The following ENPP3 variants were observed in gnomAD, a reference collection of about 807,000 sequenced individuals.
ENPP3 encodes the protein ectonucleotide pyrophosphatase/phosphodiesterase family member 3.
Under a neutral mutation model 117.8 loss-of-function variants are expected in ENPP3, and 104 were observed. The ratio of observed to expected loss-of-function variants is 0.88; its 90% CI spans 0.75 to 1.04. ENPP3 has a LOEUF of 1.04. ENPP3 is among the 50% of genes least tolerant of loss of function. The pLI, the probability that ENPP3 is intolerant of heterozygous loss-of-function variation, is 0.00. For missense variants in ENPP3, 1,026 were observed against 1,051.9 expected, an observed-to-expected ratio of 0.98 and a Z score of 0.34; for synonymous variants, 380 against 349.9, an observed-to-expected ratio of 1.09 and a Z score of -0.96.
chr6:131,685,076 G>A (rs1321107571), intron 12 of ENPP3, among the ~76,000 whole-genome samples: 3 of 152,140 alleles, frequency 2.0e-5, no homozygotes, highest in Admixed American at 1.3e-4. Flanking sequence ...GAGCCACGGA[G>A]CACAGCCGAA....
chr6:131,722,718 C>A (rs1055508855), intron 18 of ENPP3, among the ~76,000 whole-genome samples: 21 of 152,126 alleles, frequency 1.4e-4, no homozygotes, highest in African/African-American at 4.8e-4. Flanking sequence ...CCTTATAAAC[C>A]ATTCTTCCTG....
intron 3 of ENPP3, among the ~76,000 whole-genome samples, chr6:131,651,156 G>A (rs74737010): frequency 0.033 from 5,045 of 152,158 alleles, 283 homozygotes; most frequent in African/African-American, 0.11. Flanking sequence ...CTGGCCTCAA[G>A]TGATCCCACT....
rs1203560193 is a variant in ENPP3, at chr6:131,644,530, GAC to G, written c.154+3001_154+3002del. ...AGAGTAAGAAAGAGGAGTCAAGAAT[GAC>G]CCCAGAATTTTTGTATGAACATCTG... On this transcript the variant is annotated intron_variant, in intron 2 of 24. Coordinates refer to ENST00000357639, the MANE Select transcript of ENPP3 (RefSeq NM_005021.5). Among the ~76,000 whole-genome samples the G allele has an allele frequency of 3.9e-5, 6 of 152,252 alleles. No individual in the cohort carries two copies. The East Asian group carries it at 9.7e-4, about 24-fold the overall frequency.
intron 23 of ENPP3, among the ~76,000 whole-genome samples, 164 bp from the exon 24 acceptor site, chr6:131,740,059 TA>T (rs71545013): frequency 0.03 from 4,528 of 152,238 alleles, 75 homozygotes; most frequent in Middle Eastern, 0.11. Flanking sequence ...ACTTTGTATG[TA>T]AGTTATTTAA....
chr6:131,724,124 T>C (rs1407758935), intron 19 of ENPP3, 33 bp downstream of exon 19: 3 of 1,462,708 alleles, frequency 2.1e-6, no homozygotes, highest in African/African-American at 2.8e-5. Flanking sequence ...AAGTCTTTGA[T>C]ATTTAGACCT....
chr6:131,648,396 T>A (rs182041799), intron 2 of ENPP3, among the ~76,000 whole-genome samples: 2 of 152,080 alleles, frequency 1.3e-5, no homozygotes, highest in East Asian at 3.9e-4. Context: ...TTTTTGTATA[T>A]GTTGTGAGGC....
chr6:131,672,241 T>C (rs921667714), intron 7 of ENPP3, among the ~76,000 whole-genome samples: 1 of 152,218 alleles, frequency 6.6e-6, no homozygotes, highest in African/African-American at 2.4e-5. Flanking sequence ...GCTGTCATAC[T>C]ATAAACAAGT....
chr6:131,744,184 CT>C (rs879746339), intron 24 of ENPP3, among the ~76,000 whole-genome samples: 15 of 152,280 alleles, frequency 9.9e-5, no homozygotes, highest in African/African-American at 3.6e-4. Context: ...ATCATATTTC[CT>C]TATTTATTTT....
chr6:131,640,600 T>C (rs940913723), intron 1 of ENPP3, among the ~76,000 whole-genome samples: 4 of 152,240 alleles, frequency 2.6e-5, no homozygotes, highest in African/African-American at 9.6e-5. Flanking sequence ...CTGATGTTTT[T>C]TTCTTTTGTG....
chr6:131,700,649 A>C, intron 15 of ENPP3: 1 of 1,558,196 alleles, frequency 6.4e-7, no homozygotes, highest in South Asian at 1.2e-5. Context: ...TGGCTGTGCC[A>C]TAAACGAGTC....
At position 131,747,388 on chromosome 6, in the gene ENPP3, C is replaced by T. The variant is rs1780658782; in HGVS notation, c.*432C>T. On this transcript the variant is annotated 3_prime_UTR_variant, in exon 25 of 25. Coordinates refer to ENST00000357639, the MANE Select transcript of ENPP3 (RefSeq NM_005021.5). The stretch of plus-strand genomic sequence containing the variant: ...AACTTTTTGTATTTGACTGGCAATG[C>T]TGATTAAAATTAAAAATGCACAGAA... 1 of 152,336 alleles carries T rather than the reference C, an allele frequency of 6.6e-6. No homozygotes were observed. The highest frequency in any genetic ancestry group is 2.4e-5 in the African/African-American group (1 of 41,446). 9.4% of individuals were successfully genotyped at this position (152,336 alleles called of 1,614,324 possible).
chr6:131,676,750 AAG>A lies in ENPP3; in HGVS notation c.892_893del (p.Arg298AspfsTer14). On this transcript the variant is annotated frameshift_variant, in exon 10 of 25. Transcript: ENST00000357639. LOFTEE classifies it high-confidence loss of function. ...TATTTTTTCAGAAGTGTCCCATTTG[AAG>A]AGAGGATTTCTACACTGTTAAAATG... is the stretch of plus-strand genomic sequence containing the variant. 6.2e-7 allele frequency: 1 copy of A among 1,607,776 alleles called. No individual in the cohort carries two copies. The highest frequency in any genetic ancestry group is 1.1e-5 in the South Asian group (1 of 90,924).
chr6:131,679,386 C>A (rs1207408768), intron 11 of ENPP3, among the ~76,000 whole-genome samples: 4 of 152,022 alleles, frequency 2.6e-5, no homozygotes, highest in African/African-American at 9.7e-5. Context: ...TGAACCACTG[C>A]ACCCAGCCAT....
At chr6:131,676,885 A>T in intron 10 of ENPP3, 84 bp downstream of exon 10, 1 of 897,542 alleles carries the variant, frequency 1.1e-6, no homozygotes, top group Non-Finnish European at 1.8e-6. Flanking sequence ...ACTTTAAATT[A>T]CAATTTTTGG....
chr6:131,686,892 A>G (rs1779164960), intron 14 of ENPP3, among the ~76,000 whole-genome samples: 1 of 152,156 alleles, frequency 6.6e-6, no homozygotes, highest in African/African-American at 2.4e-5. Flanking sequence ...TATGTACCAC[A>G]TTTTCTTTAT....
At chr6:131,723,620 G>C (rs2114534876) in intron 18 of ENPP3, among the ~76,000 whole-genome samples, 1 of 152,212 alleles carries the variant, frequency 6.6e-6, no homozygotes, top group African/African-American at 2.4e-5. Context: ...ATTGGTTAGA[G>C]ATGCAGAATC....
intron 23 of ENPP3, 135 bp downstream of exon 23, chr6:131,738,298 A>G: frequency 2.8e-6 from 2 of 709,906 alleles, no homozygotes; most frequent in Non-Finnish European, 4.5e-6. Flanking sequence ...TTTTCAATCT[A>G]GTCTATCTAA....
chr6:131,679,625 T>C (rs1021917785), intron 11 of ENPP3, among the ~76,000 whole-genome samples: 4 of 151,706 alleles, frequency 2.6e-5, no homozygotes, highest in African/African-American at 9.7e-5. Context: ...GAGATCTATC[T>C]AGGCAGTCTC....
chr6:131,693,706 TATC>T, intron 15 of ENPP3, 82 bp downstream of exon 15: 1 of 1,343,890 alleles, frequency 7.4e-7, no homozygotes, highest in Non-Finnish European at 1.0e-6. Flanking sequence ...ACCCTGCTAT[TATC>T]ATCACTGTGA....
Sources: gnomAD v4.1 joint callset for allele counts (sites outside exome capture counted in the v4.1 genomes callset) on GRCh38, gnomAD v4.1.1 for gene constraint, MANE v1.5 for transcripts, NCBI Gene and HGNC (gene_info 2026-07-23, HGNC 2026-07-21) for gene names.